Variants in EPS15 observed in about 807,000 individuals in gnomAD.
The protein encoded by EPS15 is epidermal growth factor receptor substrate 15.
A neutral mutation model predicts 113.8 loss-of-function variants in EPS15; 72 were observed. The ratio of observed to expected loss-of-function variants is 0.63; its 90% CI spans 0.52 to 0.77. EPS15 has a LOEUF of 0.77. Among genes scored for constraint, EPS15 ranks in the 30% least tolerant of loss-of-function variants. The pLI, the probability that EPS15 is intolerant of heterozygous loss-of-function variation, is 0.00. For missense variants in EPS15, 1,048 were observed against 1,045.8 expected, an observed-to-expected ratio of 1.00 and a Z score of -0.03; for synonymous variants, 344 against 363.4, an observed-to-expected ratio of 0.95 and a Z score of 0.61.
intron 23 of EPS15, 56 bp from the exon 24 acceptor site, chr1:51,361,411 A>G: frequency 7.4e-7 from 1 of 1,346,964 alleles, no homozygotes; most frequent in South Asian, 1.2e-5. Context: ...ATACAAGCAC[A>G]CAAGAACATG....
intron 8 of EPS15, among the ~76,000 whole-genome samples, chr1:51,454,211 A>G (rs1345576356): frequency 6.6e-6 from 1 of 152,218 alleles, no homozygotes; most frequent in Non-Finnish European, 1.5e-5. Flanking sequence ...AACTCTTCAC[A>G]TAATGAAGAC....
chr1:51,511,650 C>T (rs1458782902), intron 1 of EPS15, among the ~76,000 whole-genome samples: 3 of 152,130 alleles, frequency 2.0e-5, no homozygotes, highest in Non-Finnish European at 4.4e-5. Context: ...AAGGATGCTG[C>T]AAAACACCCT....
Position 51,508,251 on chromosome 1 carries a change from AGAGAGAGAG to A in EPS15, c.33+10939_33+10947del. 7.7e-5 allele frequency among the ~76,000 whole-genome samples: 3 copies of A among 39,160 alleles called. No homozygotes were observed. The South Asian group carries it at 2.9e-3, about 38-fold the overall frequency. 25.7% of individuals were successfully genotyped at this position (39,160 alleles called of 152,430 possible). On this transcript the variant is annotated intron_variant, in intron 1 of 24. Coordinates refer to ENST00000371733, the MANE Select transcript of EPS15 (RefSeq NM_001981.3). ...AAGAAAAGAAAAGAAAGAGAGAAAGAGAGAGAGAGAGAGAGAGAGAGAAAGAGAGAAAGA... is the reference window on the plus strand; with the variant it reads ...AAGAAAAGAAAAGAAAGAGAGAAAGAAGAGAGAGAGAGAAAGAGAGAAAGA...
rs1323942908 is a variant in EPS15, at chr1:51,401,137, T to C, written c.1883-184A>G. ...ATACAGCCAACTATACTTACCTTGA[T>C]CACAAGTTGAGGTTACGGATGGAGG... On this transcript the variant is annotated intron_variant, in intron 18 of 24. Transcript: ENST00000371733. 1.1e-5 allele frequency: 5 copies of C among 449,760 alleles called. No individual in the cohort carries two copies. The South Asian group carries it at 2.5e-4, about 22-fold the overall frequency. The allele number at this position is 449,760 out of a possible 1,614,324, so 27.9% of individuals were successfully genotyped here. A position where few individuals can be genotyped will look rare whatever the true frequency, so the allele number is the denominator to read the frequency against.
chr1:51,465,318 G>T lies in EPS15; in HGVS notation c.318C>A (p.Thr106=). 1 of 1,607,152 alleles carries T rather than the reference G, an allele frequency of 6.2e-7. No individual in the cohort carries two copies. Among genetic ancestry groups the T allele is most frequent in the South Asian group, 1.1e-5 (1 of 90,472 alleles). ...LAVPPPRFHD[T]SSPLLISGTS... ...TTCCACTGATTAGCAAAGGACTACT[G>T]GTATCATGCTATAGAAGAAAGTAAA... Residue 106 remains threonine, a synonymous_variant, in exon 6 of 25, where the codon ACC becomes ACA. Coordinates refer to ENST00000371733, the MANE Select transcript of EPS15 (RefSeq NM_001981.3).
intron 3 of EPS15, 120 bp from the exon 4 acceptor site, chr1:51,471,857 G>C: frequency 2.5e-6 from 2 of 790,530 alleles, no homozygotes. Flanking sequence ...AAGAATCATA[G>C]AATTAAGAGT....
chr1:51,356,563 T>A lies in EPS15; in HGVS notation c.*137A>T. 1.7e-5 allele frequency: 11 copies of A among 645,682 alleles called. No homozygotes were observed. The highest frequency in any genetic ancestry group is 6.4e-5 in the South Asian group (2 of 31,296). 40.0% of individuals were successfully genotyped at this position (645,682 alleles called of 1,614,324 possible). A position where few individuals can be genotyped will look rare whatever the true frequency, so the allele number is the denominator to read the frequency against. ...TGTAATGAAGAAAAAAAAAAAATCC[T>A]AAAATTTTGTCACATTTACAGGAAT... On this transcript the variant is annotated 3_prime_UTR_variant, in exon 25 of 25. Coordinates refer to ENST00000371733, the MANE Select transcript of EPS15 (RefSeq NM_001981.3).
At chr1:51,451,837 G>A (rs965432146) in intron 8 of EPS15, among the ~76,000 whole-genome samples, 1 of 152,058 alleles carries the variant, frequency 6.6e-6, no homozygotes, top group Admixed American at 6.6e-5. Context: ...AAACTAACTT[G>A]GAACCTCTAG....
intron 6 of EPS15, among the ~76,000 whole-genome samples, chr1:51,464,116 T>G (rs190546482): frequency 6.6e-6 from 1 of 152,170 alleles, no homozygotes; most frequent in Non-Finnish European, 1.5e-5. Context: ...TTGAAGAACA[T>G]CTAGTCCAAC....
At chr1:51,405,860 G>A in intron 16 of EPS15, 45 bp downstream of exon 16, 1 of 1,513,990 alleles carries the variant, frequency 6.6e-7, no homozygotes, top group Non-Finnish European at 9.2e-7. Context: ...ACTTGGATCT[G>A]CACAAGGAGG....
At chr1:51,508,337 AG>A (rs1459396109) in intron 1 of EPS15, among the ~76,000 whole-genome samples, 1 of 126,400 alleles carries the variant, frequency 7.9e-6, no homozygotes, top group Non-Finnish European at 1.6e-5. Flanking sequence ...AAAGAGAAAG[AG>A]AGAAAGAAAG....
chr1:51,404,377 C>CA (rs35682249), intron 16 of EPS15, among the ~76,000 whole-genome samples: 4,400 of 99,650 alleles, frequency 0.044, 70 homozygotes, highest in African/African-American at 0.068. Context: ...GACTCCGTCT[C>CA]AAAAAAAAAA....
chr1:51,357,392 ATATATATATAT>A (rs1384587325), intron 24 of EPS15, among the ~76,000 whole-genome samples: 3 of 59,092 alleles, frequency 5.1e-5, no homozygotes, highest in African/African-American at 1.7e-4. Context: ...AAAAAAAAAA[ATATATATATAT>A]ATATATATAT....
intron 15 of EPS15, among the ~76,000 whole-genome samples, chr1:51,407,794 C>G (rs1649271228): frequency 6.6e-6 from 1 of 152,116 alleles, no homozygotes; most frequent in South Asian, 2.1e-4. Context: ...CACAGTGGCC[C>G]TAAGGGGTAG....
intron 1 of EPS15, among the ~76,000 whole-genome samples, chr1:51,508,205 A>AAAGAAAAGAG (rs1644533273): frequency 9.9e-6 from 1 of 101,130 alleles, no homozygotes; most frequent in African/African-American, 3.4e-5. Flanking sequence ...AAAGAAAAGA[A>AAAGAAAAGAG]AAGAAAAGAA....
At chr1:51,484,495 A>AT (rs1644084281) in intron 1 of EPS15, among the ~76,000 whole-genome samples, 1 of 152,172 alleles carries the variant, frequency 6.6e-6, no homozygotes, top group Non-Finnish European at 1.5e-5. Context: ...ACCAGAATGG[A>AT]TTTTGTATCT....
At chr1:51,381,486 G>A (rs974236231) in intron 21 of EPS15, among the ~76,000 whole-genome samples, 3 of 152,104 alleles carry the variant, frequency 2.0e-5, no homozygotes, top group African/African-American at 7.2e-5. Flanking sequence ...CCAGCTACTT[G>A]TGAGGCTGAG....
intron 24 of EPS15, among the ~76,000 whole-genome samples, chr1:51,357,377 A>G (rs1279506500): frequency 3.3e-5 from 1 of 30,574 alleles, no homozygotes; most frequent in African/African-American, 2.2e-4. Flanking sequence ...ATTCCATCTG[A>G]AAAAAAAAAA....
intron 24 of EPS15, among the ~76,000 whole-genome samples, chr1:51,357,373 T>G: frequency 1.8e-5 from 1 of 55,332 alleles, no homozygotes; most frequent in Non-Finnish European, 3.0e-5. Context: ...TGAGATTCCA[T>G]CTGAAAAAAA....
Sources: gnomAD v4.1 joint callset for allele counts (sites outside exome capture counted in the v4.1 genomes callset) on GRCh38, gnomAD v4.1.1 for gene constraint, MANE v1.5 for transcripts, NCBI Gene and HGNC (gene_info 2026-07-23, HGNC 2026-07-21) for gene names.